The following SMYD3 variants were observed in gnomAD, a reference collection of about 807,000 sequenced individuals.
SMYD3 encodes the protein SET and MYND domain containing 3.
A neutral mutation model predicts 57.7 loss-of-function variants in SMYD3; 36 were observed. That is an observed-to-expected ratio of 0.62 (90% CI 0.48 to 0.82). SMYD3 has a LOEUF of 0.82. Among genes scored for constraint, SMYD3 ranks in the 40% least tolerant of loss-of-function variants. SMYD3 has a pLI of 0.00. For missense variants in SMYD3, 515 were observed against 538.8 expected (o/e 0.96, Z 0.44); for synonymous variants, 211 against 195.0 (o/e 1.08, Z -0.68).
At chr1:246,201,432 T>C (rs994563637) in intron 5 of SMYD3, among the ~76,000 whole-genome samples, 1 of 152,224 alleles carries the variant, frequency 6.6e-6, no homozygotes, top group Non-Finnish European at 1.5e-5. Flanking sequence ...TGTTTATTAT[T>C]TGGGTCACTA....
intron 5 of SMYD3, among the ~76,000 whole-genome samples, chr1:246,277,848 T>C (rs1412848867): frequency 1.3e-5 from 2 of 152,170 alleles, no homozygotes; most frequent in Non-Finnish European, 2.9e-5. Flanking sequence ...AGCAGATCAG[T>C]GGTTGCTGCA....
chr1:246,341,842 G>GT (rs2065637768), intron 2 of SMYD3, among the ~76,000 whole-genome samples: 1 of 152,158 alleles, frequency 6.6e-6, no homozygotes, highest in Non-Finnish European at 1.5e-5. Context: ...CCATTTTAGG[G>GT]TAGCTCATTA....
intron 10 of SMYD3, among the ~76,000 whole-genome samples, chr1:245,837,636 T>C (rs1264757569): frequency 6.6e-6 from 1 of 152,152 alleles, no homozygotes; most frequent in Non-Finnish European, 1.5e-5. Flanking sequence ...ACTGGATCAA[T>C]AACTTCAGGA....
rs548856516 is a variant in SMYD3 at position 246,477,399 on chromosome 1, C to T, written c.164+29655G>A. Among the ~76,000 whole-genome samples, 13 of 152,306 alleles carry T rather than the reference C, an allele frequency of 8.5e-5. No individual in the cohort carries two copies. The South Asian group carries it at 2.7e-3, about 32-fold the overall frequency. ...ATACTAAAATCATCTCTTAACACGA[C>T]TATATTCTAACACTGTTTTTGAAAA... On this transcript the variant is annotated intron_variant, in intron 1 of 11. Transcript: ENST00000490107.
chr1:246,406,675 C>T (rs1406010407), intron 1 of SMYD3, among the ~76,000 whole-genome samples: 1 of 152,070 alleles, frequency 6.6e-6, no homozygotes, highest in Non-Finnish European at 1.5e-5. Context: ...CTCAATGTGC[C>T]TATTTATTTT....
chr1:246,271,403 A>G (rs796287069), intron 5 of SMYD3, among the ~76,000 whole-genome samples: 30 of 152,140 alleles, frequency 2.0e-4, no homozygotes, highest in African/African-American at 7.2e-4. Flanking sequence ...CTTCTGCCCT[A>G]TGTTTTCTAG....
intron 5 of SMYD3, among the ~76,000 whole-genome samples, chr1:246,181,527 T>C (rs953029598): frequency 6.6e-6 from 1 of 152,240 alleles, no homozygotes; most frequent in Non-Finnish European, 1.5e-5. Flanking sequence ...CTATAAATTC[T>C]ATCATTTCAT....
intron 2 of SMYD3, among the ~76,000 whole-genome samples, chr1:246,343,509 C>T (rs890957971): frequency 6.6e-6 from 1 of 152,106 alleles, no homozygotes; most frequent in African/African-American, 2.4e-5. Flanking sequence ...GGGACAGTCC[C>T]ATCTGAGAGG....
intron 7 of SMYD3, among the ~76,000 whole-genome samples, chr1:245,920,922 A>G (rs2055879350): frequency 6.6e-6 from 1 of 152,230 alleles, no homozygotes; most frequent in Non-Finnish European, 1.5e-5. Context: ...AATTGCAACA[A>G]AAACAAAAAT....
At chr1:246,444,518 G>A (rs1166126014) in intron 1 of SMYD3, among the ~76,000 whole-genome samples, 1 of 152,150 alleles carries the variant, frequency 6.6e-6, no homozygotes, top group East Asian at 1.9e-4. Flanking sequence ...TTTGTGCTGG[G>A]TCAGAAGCAT....
chr1:246,119,024 T>G (rs1179854333), intron 5 of SMYD3, among the ~76,000 whole-genome samples: 14 of 151,840 alleles, frequency 9.2e-5, no homozygotes, highest in Non-Finnish European at 4.4e-5. Context: ...TATTTTTAAT[T>G]TTATTATTTT....
At chr1:246,234,354 A>T (rs2063478572) in intron 5 of SMYD3, among the ~76,000 whole-genome samples, 2 of 151,980 alleles carry the variant, frequency 1.3e-5, no homozygotes, top group South Asian at 4.2e-4. Context: ...CATGGAGGAG[A>T]AGCACTCCTT....
At chr1:246,483,798 T>C (rs182030358) in intron 1 of SMYD3, 1 of 152,350 alleles carries the variant, frequency 6.6e-6, no homozygotes, top group East Asian at 1.9e-4. Flanking sequence ...ACCTTTCCAA[T>C]AAAAGGAGAG....
At chr1:246,223,824 C>T (rs6426286) in intron 5 of SMYD3, among the ~76,000 whole-genome samples, 40,392 of 151,930 alleles carry the variant, frequency 0.27, 6,111 homozygotes, top group East Asian at 0.58. Flanking sequence ...CTTTACAATA[C>T]GGAATACTTC....
chr1:245,835,122 C>CAT (rs1491565221), intron 10 of SMYD3, among the ~76,000 whole-genome samples: 1 of 134,062 alleles, frequency 7.5e-6, no homozygotes, highest in African/African-American at 2.8e-5. Context: ...GGCAGGTTTC[C>CAT]TTTTTTTTTT....
At chr1:246,336,613 C>T (rs915705915) in intron 2 of SMYD3, among the ~76,000 whole-genome samples, 4 of 152,102 alleles carry the variant, frequency 2.6e-5, no homozygotes, top group South Asian at 2.1e-4. Flanking sequence ...AAGGAAAGCA[C>T]GCTAGCATTT....
At chr1:245,864,802 CAG>C (rs570279118) in intron 8 of SMYD3, among the ~76,000 whole-genome samples, 131 of 152,246 alleles carry the variant, frequency 8.6e-4, no homozygotes, top group Non-Finnish European at 1.6e-3. Context: ...TTTAAAAAAA[CAG>C]AAGAATAGGA....
At chr1:246,410,483 T>G (rs2066946562) in intron 1 of SMYD3, among the ~76,000 whole-genome samples, 1 of 152,340 alleles carries the variant, frequency 6.6e-6, no homozygotes, top group African/African-American at 2.4e-5. Flanking sequence ...TTATTGATTT[T>G]CGTATGTTGA....
chr1:245,980,312 G>A (rs997587215), intron 5 of SMYD3, among the ~76,000 whole-genome samples: 24 of 152,114 alleles, frequency 1.6e-4, no homozygotes, highest in Non-Finnish European at 3.1e-4. Context: ...GACATGCCTC[G>A]GGAATGAAGG....
Sources: allele counts gnomAD v4.1 joint callset (sites outside exome capture counted in the v4.1 genomes callset), GRCh38; gene constraint gnomAD v4.1.1; transcripts MANE v1.5; gene names NCBI Gene and HGNC (gene_info 2026-07-23, HGNC 2026-07-21).